The following KAT2B variants were observed in gnomAD, a reference collection of about 807,000 sequenced individuals.
KAT2B encodes the protein lysine acetyltransferase 2B.
In KAT2B, 36 loss-of-function variants were observed where a neutral mutation model predicts 105.9. That is an observed-to-expected ratio of 0.34 (90% CI 0.26 to 0.45). KAT2B has a LOEUF of 0.45. Ranked by LOEUF, KAT2B falls within the 20% of genes least tolerant of loss-of-function variation. KAT2B has a pLI of 1.00. For missense variants in KAT2B, 820 were observed against 1,021.6 expected, an observed-to-expected ratio of 0.80 and a Z score of 2.69; for synonymous variants, 397 against 377.9, an observed-to-expected ratio of 1.05 and a Z score of -0.59.
chr3:20,041,535 G>C (rs1380794583), intron 1 of KAT2B, among the ~76,000 whole-genome samples: 1 of 152,226 alleles, frequency 6.6e-6, no homozygotes, highest in African/African-American at 2.4e-5. Flanking sequence ...CACTCTCCAT[G>C]CCAGTTTAGG....
At chr3:20,062,677 G>A (rs755077493) in intron 1 of KAT2B, among the ~76,000 whole-genome samples, 1 of 151,736 alleles carries the variant, frequency 6.6e-6, no homozygotes, top group African/African-American at 2.4e-5. Context: ...TGCCAGACTG[G>A]TCTTGCATTC....
At chr3:20,102,094 A>T (rs4858765) in intron 5 of KAT2B, among the ~76,000 whole-genome samples, 16,770 of 152,154 alleles carry the variant, frequency 0.11, 1,172 homozygotes, top group Admixed American at 0.16. Flanking sequence ...AAGTGGGTAG[A>T]TCACTTGGGT....
intron 10 of KAT2B, among the ~76,000 whole-genome samples, chr3:20,126,888 A>G (rs1699414562): frequency 6.6e-6 from 1 of 151,872 alleles, no homozygotes; most frequent in African/African-American, 2.4e-5. Context: ...ATTTATTTTA[A>G]CATACATAGC....
intron 2 of KAT2B, among the ~76,000 whole-genome samples, chr3:20,090,103 G>A (rs1698690763): frequency 6.6e-6 from 1 of 152,062 alleles, no homozygotes; most frequent in African/African-American, 2.4e-5. Flanking sequence ...AAGCTTTTTG[G>A]TGGTGTCTTT....
chr3:20,100,993 G>C, intron 4 of KAT2B: 1 of 383,032 alleles, frequency 2.6e-6, no homozygotes, highest in Non-Finnish European at 4.7e-6. Flanking sequence ...TTGTTTCAGG[G>C]GTTTTGACCT....
intron 5 of KAT2B, among the ~76,000 whole-genome samples, chr3:20,104,211 G>A (rs1225816481): frequency 6.6e-6 from 1 of 152,162 alleles, no homozygotes; most frequent in East Asian, 1.9e-4. Context: ...GCAAAAAGTG[G>A]AGTCAGACAA....
intron 10 of KAT2B, among the ~76,000 whole-genome samples, chr3:20,126,557 T>C (rs1174646316): frequency 6.7e-6 from 1 of 150,182 alleles, no homozygotes; most frequent in East Asian, 1.9e-4. Flanking sequence ...GCATGGTGGC[T>C]CATGCCTGTA....
At chr3:20,126,544 C>G (rs1421086121) in intron 10 of KAT2B, among the ~76,000 whole-genome samples, 1 of 151,216 alleles carries the variant, frequency 6.6e-6, no homozygotes, top group Non-Finnish European at 1.5e-5. Flanking sequence ...AAAACTAGGC[C>G]GGGCATGGTG....
chr3:20,138,670 A>G (rs529409540), intron 12 of KAT2B, among the ~76,000 whole-genome samples: 9 of 152,124 alleles, frequency 5.9e-5, no homozygotes, highest in Admixed American at 1.3e-4. Flanking sequence ...ATGTTTATCA[A>G]TTCTTTGTAT....
At chr3:20,145,187 T>G (rs1699763802) in intron 13 of KAT2B, among the ~76,000 whole-genome samples, 2 of 152,208 alleles carry the variant, frequency 1.3e-5, no homozygotes. Flanking sequence ...ACATTTTAGA[T>G]ATAATGGGTT....
chr3:20,105,811 A>C (rs1698991477), intron 5 of KAT2B, among the ~76,000 whole-genome samples: 1 of 151,566 alleles, frequency 6.6e-6, no homozygotes, highest in East Asian at 1.9e-4. Flanking sequence ...AAAAAAAAAA[A>C]AAAAAAAGAA....
rs778576070 is a variant in KAT2B, at chr3:20,122,689, A to C, written c.1298A>C (p.Asp433Ala). 6.2e-7 allele frequency: 1 copy of C among 1,613,798 alleles called. No individual in the cohort carries two copies. The highest frequency in any genetic ancestry group is 8.5e-7 in the Non-Finnish European group (1 of 1,179,818). The change falls in exon 9 of 18, where the codon GAT (aspartate) becomes GCT (alanine). Residue 433 changes from aspartate (D) to alanine (A), a missense_variant. Physicochemically the swap from Asp to Ala is moderately radical, Grantham distance 126 (BLOSUM62 -2). Transcript: ENST00000263754. ...ANPGEKRKMT[D>A]SHVLEEAKKP... ...ATAGGAGAAAAGAGGAAAATGACTG[A>C]TTCTCATGTTCTGGAGGAGGCCAAG... is the stretch of plus-strand genomic sequence containing the variant.
intron 1 of KAT2B, among the ~76,000 whole-genome samples, chr3:20,045,317 CTATTTATTTATT>C (rs10538060): frequency 0.13 from 17,532 of 137,964 alleles, 1,162 homozygotes; most frequent in African/African-American, 0.15. Flanking sequence ...TGCACCTGGC[CTATTTATTTATT>C]TATTTATTTA....
At chr3:20,107,275 C>T (rs1699037833) in intron 5 of KAT2B, among the ~76,000 whole-genome samples, 1 of 148,212 alleles carries the variant, frequency 6.7e-6, no homozygotes, top group Non-Finnish European at 1.5e-5. Context: ...AAGTAATCTG[C>T]CCTCCTCGGC....
At chr3:20,066,749 A>G (rs7642107) in intron 1 of KAT2B, among the ~76,000 whole-genome samples, 1 of 146,894 alleles carries the variant, frequency 6.8e-6, no homozygotes, top group Admixed American at 6.8e-5. Flanking sequence ...GCACCGCATT[A>G]AAAAAAAAAA....
chr3:20,085,968 C>A (rs938425306), intron 2 of KAT2B, among the ~76,000 whole-genome samples: 1 of 152,094 alleles, frequency 6.6e-6, no homozygotes, highest in Non-Finnish European at 1.5e-5. Context: ...TCTCTTCTTA[C>A]CTTTTAAAAA....
At chr3:20,104,028 G>A (rs1315503735) in intron 5 of KAT2B, among the ~76,000 whole-genome samples, 2 of 152,266 alleles carry the variant, frequency 1.3e-5, no homozygotes, top group Admixed American at 6.5e-5. Flanking sequence ...CATGCACATT[G>A]TTCTCTAAAA....
intron 2 of KAT2B, among the ~76,000 whole-genome samples, chr3:20,091,907 C>T (rs528611430): frequency 1.3e-5 from 2 of 152,284 alleles, no homozygotes; most frequent in African/African-American, 4.8e-5. Context: ...CAATCCAATA[C>T]TTTCCTACCA....
chr3:20,121,088 T>C (rs1699299586), intron 8 of KAT2B, among the ~76,000 whole-genome samples: 1 of 152,166 alleles, frequency 6.6e-6, no homozygotes. Flanking sequence ...TAGGGAATCA[T>C]GGAATTTGAG....
Sources: allele counts gnomAD v4.1 joint callset (sites outside exome capture counted in the v4.1 genomes callset), GRCh38; gene constraint gnomAD v4.1.1; transcripts MANE v1.5; gene names NCBI Gene and HGNC (gene_info 2026-07-23, HGNC 2026-07-21).